RBFOX1: variants seen among roughly 807,000 people sequenced by gnomAD.
RBFOX1 encodes RNA binding fox-1 homolog 1.
In RBFOX1, 8 loss-of-function variants were observed where a neutral mutation model predicts 57.7. The ratio of observed to expected loss-of-function variants is 0.14; its 90% CI spans 0.08 to 0.25. The LOEUF (loss-of-function observed/expected upper bound fraction) is 0.25, where lower values mean the gene tolerates loss of function less well. Ranked by LOEUF, RBFOX1 falls within the 10% of genes least tolerant of loss-of-function variation. The pLI, the probability that RBFOX1 is intolerant of heterozygous loss-of-function variation, is 1.00. For synonymous variants in RBFOX1, 326 were observed against 222.4 expected, an observed-to-expected ratio of 1.47 and a Z score of -4.15; for missense variants, 611 against 548.5, an observed-to-expected ratio of 1.11 and a Z score of -1.14.
chr16:5,786,642 C>T (rs1350478439), intron 3 of RBFOX1, among the ~76,000 whole-genome samples: 2 of 152,194 alleles, frequency 1.3e-5, no homozygotes, highest in African/African-American at 4.8e-5. Context: ...TTCTCCTTAG[C>T]ATGCCCACTG....
intron 4 of RBFOX1, among the ~76,000 whole-genome samples, chr16:5,930,454 G>A (rs1249980028): frequency 2.0e-5 from 1 of 50,210 alleles, no homozygotes; most frequent in Non-Finnish European, 3.8e-5. Flanking sequence ...GCATGGTTGG[G>A]TGGGTGGGAG....
At chr16:7,203,037 C>T (rs915386860) in intron 4 of RBFOX1, among the ~76,000 whole-genome samples, 3 of 152,146 alleles carry the variant, frequency 2.0e-5, no homozygotes, top group East Asian at 1.9e-4. Context: ...CCGCCTGCCT[C>T]GGCCTCCCAA....
chr16:5,993,380 TGTGTGA>T (rs1301379129), intron 4 of RBFOX1, among the ~76,000 whole-genome samples: 2 of 27,790 alleles, frequency 7.2e-5, no homozygotes, highest in Non-Finnish European at 1.5e-4. Flanking sequence ...TGTGTGTGTG[TGTGTGA>T]GAGAGAGAGA....
At chr16:6,771,798 C>T (rs541868018) in intron 3 of RBFOX1, among the ~76,000 whole-genome samples, 2 of 152,236 alleles carry the variant, frequency 1.3e-5, no homozygotes, top group South Asian at 2.1e-4. Flanking sequence ...AGTTACCCAG[C>T]CTAAAGTGGC....
At chr16:6,613,990 A>C (rs2098108574) in intron 2 of RBFOX1, among the ~76,000 whole-genome samples, 1 of 152,202 alleles carries the variant, frequency 6.6e-6, no homozygotes, top group Non-Finnish European at 1.5e-5. Context: ...ATAATTTGGA[A>C]GCTTTATACA....
At chr16:6,094,061 C>T (rs1467100777) in intron 1 of RBFOX1, among the ~76,000 whole-genome samples, 1 of 152,154 alleles carries the variant, frequency 6.6e-6, no homozygotes, top group African/African-American at 2.4e-5. Context: ...TGGTCCTCGA[C>T]ATGACTTGTC....
chr16:7,252,284 C>A (rs936241189), intron 4 of RBFOX1, among the ~76,000 whole-genome samples: 4 of 152,218 alleles, frequency 2.6e-5, no homozygotes, highest in Admixed American at 2.6e-4. Context: ...AGCTTTTCCT[C>A]CATTGACTTG....
chr16:5,638,187 G>C (rs1006371850), intron 3 of RBFOX1, among the ~76,000 whole-genome samples: 1 of 152,178 alleles, frequency 6.6e-6, no homozygotes, highest in Non-Finnish European at 1.5e-5. Context: ...AGTGGCAATT[G>C]TTACTGTCAT....
Position 6,999,667 on chromosome 16 carries a change from GA to G in RBFOX1, c.-15-52388del, listed in dbSNP as rs541865241. Among the ~76,000 whole-genome samples, 590 of 151,894 alleles carry G rather than the reference GA, an allele frequency of 3.9e-3. 7 individuals are homozygous for G. Among genetic ancestry groups the G allele is most frequent in the Middle Eastern group, 0.027 (8 of 294 alleles). ...CTTCTCCCTTCCCCATCAATATTTT[GA>G]AGCAAATCCAAAATATACTATTATT... On this transcript the variant is annotated intron_variant, in intron 3 of 15. Coordinates refer to ENST00000550418, the MANE Select transcript of RBFOX1 (RefSeq NM_018723.4).
intron 3 of RBFOX1, among the ~76,000 whole-genome samples, chr16:5,657,599 T>G (rs866233267): frequency 6.8e-6 from 1 of 146,660 alleles, no homozygotes; most frequent in African/African-American, 2.6e-5. Context: ...GTAAATTCTT[T>G]CTCGCTCGCT....
At chr16:5,512,108 T>G (rs2043615129) in intron 2 of RBFOX1, among the ~76,000 whole-genome samples, 1 of 152,178 alleles carries the variant, frequency 6.6e-6, no homozygotes, top group African/African-American at 2.4e-5. Flanking sequence ...GGAGGGTACT[T>G]TGGCAAAGTG....
chr16:5,784,275 A>G (rs112194892), intron 3 of RBFOX1, among the ~76,000 whole-genome samples: 43,429 of 151,800 alleles, frequency 0.29, 6,579 homozygotes, highest in East Asian at 0.55. Context: ...CAAAAAAACA[A>G]AATTAGCTGG....
At chr16:6,234,041 C>G (rs894173919) in intron 1 of RBFOX1, among the ~76,000 whole-genome samples, 2 of 152,154 alleles carry the variant, frequency 1.3e-5, no homozygotes, top group Non-Finnish European at 2.9e-5. Flanking sequence ...GCCGTGTCCT[C>G]ACATGGCAGA....
chr16:7,353,987 T>C, intron 4 of RBFOX1, among the ~76,000 whole-genome samples: 1 of 152,200 alleles, frequency 6.6e-6, no homozygotes, highest in Non-Finnish European at 1.5e-5. Flanking sequence ...TTTTATTTTT[T>C]TGGAGACAGA....
At chr16:7,162,984 C>T (rs747159726) in intron 4 of RBFOX1, among the ~76,000 whole-genome samples, 2 of 152,136 alleles carry the variant, frequency 1.3e-5, no homozygotes, top group Non-Finnish European at 1.5e-5. Flanking sequence ...CTGGCATCTC[C>T]ACGATCCTGT....
chr16:6,939,130 C>T (rs1293259426), intron 3 of RBFOX1, among the ~76,000 whole-genome samples: 1 of 152,154 alleles, frequency 6.6e-6, no homozygotes, highest in South Asian at 2.1e-4. Context: ...TAGCAACCTG[C>T]CAAGGTCACA....
At chr16:7,098,767 TAGTG>T (rs988116137) in intron 4 of RBFOX1, among the ~76,000 whole-genome samples, 9 of 152,078 alleles carry the variant, frequency 5.9e-5, no homozygotes, top group Admixed American at 3.9e-4. Context: ...CTGGGCAACA[TAGTG>T]AGACCCTGTG....
At chr16:6,883,705 T>C (rs142894663) in intron 3 of RBFOX1, among the ~76,000 whole-genome samples, 15 of 152,284 alleles carry the variant, frequency 9.9e-5, no homozygotes, top group African/African-American at 3.6e-4. Context: ...AAATATGAGA[T>C]AAAATAGTTT....
intron 2 of RBFOX1, among the ~76,000 whole-genome samples, chr16:6,353,094 G>A (rs1158180411): frequency 6.6e-6 from 1 of 152,052 alleles, no homozygotes; most frequent in Non-Finnish European, 1.5e-5. Context: ...ATTTCTTACT[G>A]AGCCATAAAT....
Sources: gnomAD v4.1 joint callset for allele counts (sites outside exome capture counted in the v4.1 genomes callset) on GRCh38, gnomAD v4.1.1 for gene constraint, MANE v1.5 for transcripts, NCBI Gene and HGNC (gene_info 2026-07-23, HGNC 2026-07-21) for gene names.